The following SYT6 variants were observed in gnomAD, a reference collection of about 807,000 sequenced individuals.
SYT6 encodes synaptotagmin-6.
A neutral mutation model predicts 38.4 loss-of-function variants in SYT6; 24 were observed. The observed-to-expected ratio is 0.62, with a 90% confidence interval of 0.45 to 0.88. The LOEUF (loss-of-function observed/expected upper bound fraction) is 0.88, where lower values mean the gene tolerates loss of function less well. Among genes scored for constraint, SYT6 ranks in the 40% least tolerant of loss-of-function variants. SYT6 has a pLI of 0.00. For synonymous variants in SYT6, 265 were observed against 241.9 expected (o/e 1.10, Z -0.89); for missense variants, 611 against 621.0 (o/e 0.98, Z 0.17).
chr1:114,120,501 T>C (rs1481484159), intron 3 of SYT6, among the ~76,000 whole-genome samples: 2 of 152,208 alleles, frequency 1.3e-5, no homozygotes, highest in Non-Finnish European at 2.9e-5. Flanking sequence ...TACTCTTTAA[T>C]GATGTTTCAA....
intron 4 of SYT6, among the ~76,000 whole-genome samples, chr1:114,101,501 T>C (rs1675966635): frequency 6.6e-6 from 1 of 152,232 alleles, no homozygotes; most frequent in East Asian, 1.9e-4. Context: ...CTGGTCCTTA[T>C]TATTATTTTG....
At chr1:114,102,995 G>T (rs962037272) in intron 4 of SYT6, among the ~76,000 whole-genome samples, 4 of 152,196 alleles carry the variant, frequency 2.6e-5, no homozygotes, top group Non-Finnish European at 4.4e-5. Context: ...TTCCTCTGTC[G>T]CTAGAATAAG....
chr1:114,126,981 A>G (rs1021063847), intron 3 of SYT6, among the ~76,000 whole-genome samples: 1 of 152,222 alleles, frequency 6.6e-6, no homozygotes, highest in Non-Finnish European at 1.5e-5. Flanking sequence ...TTGTAAGGCC[A>G]TTTCTTCTGA....
At chr1:114,135,130 G>C (rs1678398451) in intron 3 of SYT6, among the ~76,000 whole-genome samples, 1 of 152,068 alleles carries the variant, frequency 6.6e-6, no homozygotes, top group African/African-American at 2.4e-5. Context: ...CGGTAAGACA[G>C]GCTGTCTGAG....
At chr1:114,137,417 A>G (rs879258560) in intron 3 of SYT6, 78 bp downstream of exon 3, 1 of 1,487,748 alleles carries the variant, frequency 6.7e-7, no homozygotes, top group Non-Finnish European at 9.1e-7. Context: ...GTCTCTAGGA[A>G]GTGAGGGTTT....
At chr1:114,123,644 T>G (rs1677552094) in intron 3 of SYT6, among the ~76,000 whole-genome samples, 1 of 152,210 alleles carries the variant, frequency 6.6e-6, no homozygotes, top group South Asian at 2.1e-4. Context: ...TTCTAGGTGC[T>G]CCTTCATGTT....
In SYT6 at chr1:114,137,433, C is replaced by T; in HGVS notation, c.1071+62G>A. 4 of 1,546,254 alleles carry T rather than the reference C, an allele frequency of 2.6e-6. 1 individual carries two copies. The highest frequency in any genetic ancestry group is 2.5e-5 in the South Asian group (2 of 80,270). On this transcript the variant is annotated intron_variant, in intron 3 of 7. Transcript: ENST00000610222. Reference sequence around the variant, plus strand: ...TCTCTAGGAAGTGAGGGTTTGGGGACATGTCCCACCCAACCCAGAACCACA... The same window carrying T: ...TCTCTAGGAAGTGAGGGTTTGGGGATATGTCCCACCCAACCCAGAACCACA...
chr1:114,128,307 G>C (rs1480300623), intron 3 of SYT6, among the ~76,000 whole-genome samples: 1 of 152,172 alleles, frequency 6.6e-6, no homozygotes, highest in Non-Finnish European at 1.5e-5. Context: ...CAGAATACTA[G>C]GGATACTGAG....
chr1:114,127,539 C>A (rs1201768206), intron 3 of SYT6, among the ~76,000 whole-genome samples: 1 of 152,166 alleles, frequency 6.6e-6, no homozygotes, highest in African/African-American at 2.4e-5. Flanking sequence ...ATGGAGGGAC[C>A]CCTCCCTGCA....
intron 3 of SYT6, among the ~76,000 whole-genome samples, chr1:114,133,751 C>T (rs1241187884): frequency 2.0e-5 from 3 of 152,220 alleles, no homozygotes; most frequent in African/African-American, 4.8e-5. Flanking sequence ...TGCTCTGGCT[C>T]TCCAGCCAGT....
At position 114,089,583 on chromosome 1, in the gene SYT6, C is replaced by G. The variant is rs1390661630; in HGVS notation, c.*2551G>C. 1.3e-5 allele frequency: 2 copies of G among 152,302 alleles called. No individual in the cohort carries two copies. Among genetic ancestry groups the G allele is most frequent in the Non-Finnish European group, 2.9e-5 (2 of 68,020 alleles). 9.4% of individuals were successfully genotyped at this position (152,302 alleles called of 1,614,324 possible). A position where few individuals can be genotyped will look rare whatever the true frequency, so the allele number is the denominator to read the frequency against. ...GAGAGGTTTCTCCGGCCAGAGAAAG[C>G]CAACAAATGGATCAACTTTGTATTT... On this transcript the variant is annotated 3_prime_UTR_variant, in exon 8 of 8. Transcript: ENST00000610222.
intron 4 of SYT6, among the ~76,000 whole-genome samples, chr1:114,102,425 G>A (rs974135927): frequency 6.6e-6 from 1 of 152,028 alleles, no homozygotes; most frequent in Non-Finnish European, 1.5e-5. Flanking sequence ...AGTTTTCAAG[G>A]CCTGATACCT....
intron 4 of SYT6, 110 bp from the exon 5 acceptor site, chr1:114,099,375 T>A (rs960585450): frequency 8.2e-6 from 9 of 1,102,100 alleles, no homozygotes; most frequent in Middle Eastern, 2.2e-4. Context: ...GCTCATCAGA[T>A]GGTATCAGTG....
chr1:114,126,841 G>A (rs975446486), intron 3 of SYT6, among the ~76,000 whole-genome samples: 2 of 152,180 alleles, frequency 1.3e-5, no homozygotes, highest in Admixed American at 6.5e-5. Flanking sequence ...ACAGGGCTGC[G>A]GTCTGGTTGC....
At chr1:114,135,254 C>A (rs575696443) in intron 3 of SYT6, among the ~76,000 whole-genome samples, 1 of 152,266 alleles carries the variant, frequency 6.6e-6, no homozygotes, top group South Asian at 2.1e-4. Context: ...TGTCCTTCCC[C>A]ACCTGATTTA....
At chr1:114,121,062 C>T (rs993146713) in intron 3 of SYT6, among the ~76,000 whole-genome samples, 5 of 152,222 alleles carry the variant, frequency 3.3e-5, no homozygotes, top group Admixed American at 1.3e-4. Flanking sequence ...GTCTCCATAG[C>T]CACCAAGGCC....
At chr1:114,142,099 G>A (rs946106176) in intron 1 of SYT6, among the ~76,000 whole-genome samples, 1 of 152,316 alleles carries the variant, frequency 6.6e-6, no homozygotes, top group South Asian at 2.1e-4. Context: ...CATGGATCAA[G>A]GAGTAATTTC....
intron 3 of SYT6, among the ~76,000 whole-genome samples, chr1:114,122,704 C>G (rs984876477): frequency 6.6e-6 from 1 of 152,098 alleles, no homozygotes; most frequent in Non-Finnish European, 1.5e-5. Context: ...AACACCCACT[C>G]CCTAAAAAGA....
chr1:114,118,072 G>T (rs1218564826), intron 3 of SYT6, among the ~76,000 whole-genome samples: 1 of 152,218 alleles, frequency 6.6e-6, no homozygotes, highest in African/African-American at 2.4e-5. Flanking sequence ...TCACTGGAAG[G>T]AGAAGCAAGC....
Sources: allele counts gnomAD v4.1 joint callset (sites outside exome capture counted in the v4.1 genomes callset), GRCh38; gene constraint gnomAD v4.1.1; transcripts MANE v1.5; gene names NCBI Gene and HGNC (gene_info 2026-07-23, HGNC 2026-07-21).